Variants in ACVR2B observed in about 807,000 individuals in gnomAD.
The protein encoded by ACVR2B is activin receptor type-2B.
In ACVR2B, 18 loss-of-function variants were observed where a neutral mutation model predicts 65.1. The ratio of observed to expected loss-of-function variants is 0.28; its 90% confidence interval spans 0.19 to 0.41. The LOEUF is 0.41. Among genes scored for constraint, ACVR2B ranks in the 10% least tolerant of loss-of-function variants. ACVR2B has a pLI of 1.00. For missense variants in ACVR2B, 482 were observed against 682.7 expected (o/e 0.71, Z 3.28); for synonymous variants, 298 against 277.7 (o/e 1.07, Z -0.73).
At chr3:38,464,527 C>T (rs1372336543) in intron 1 of ACVR2B, among the ~76,000 whole-genome samples, 2 of 152,144 alleles carry the variant, frequency 1.3e-5, no homozygotes, top group African/African-American at 2.4e-5. Context: ...GAAGAACTAC[C>T]AGGCCAGTAT....
intron 1 of ACVR2B, among the ~76,000 whole-genome samples, chr3:38,472,736 C>T (rs1304005311): frequency 6.6e-6 from 1 of 152,108 alleles, no homozygotes; most frequent in Non-Finnish European, 1.5e-5. Context: ...AGCTCAGGGA[C>T]TCCAGGGGAG....
At chr3:38,480,032 CTA>C (rs1325026259) in intron 7 of ACVR2B, among the ~76,000 whole-genome samples, 3 of 152,170 alleles carry the variant, frequency 2.0e-5, no homozygotes, top group Admixed American at 6.5e-5. Flanking sequence ...TTGGTGCCCT[CTA>C]ATGGCCACAT....
rs886058429 is a variant in ACVR2B, at chr3:38,492,482, C to T, written c.*9150C>T. On this transcript the variant is annotated 3_prime_UTR_variant, in exon 11 of 11. Coordinates refer to ENST00000352511, the MANE Select transcript of ACVR2B (RefSeq NM_001106.4). The stretch of plus-strand genomic sequence containing the variant: ...TTTCAAGTGCTAAAACTAAAGACTT[C>T]TAGTTTTTGGCTCAAATAAGTACTG... 6 of 152,322 alleles carry T rather than the reference C, an allele frequency of 3.9e-5. No homozygotes were observed. The highest frequency in any genetic ancestry group is 2.1e-4 in the South Asian group (1 of 4,824). The allele number at this position is 152,322 out of a possible 1,614,324, so 9.4% of individuals were successfully genotyped here. A position where few individuals can be genotyped will look rare whatever the true frequency, so the allele number is the denominator to read the frequency against.
At chr3:38,468,633 A>G (rs1313042818) in intron 1 of ACVR2B, among the ~76,000 whole-genome samples, 1 of 152,144 alleles carries the variant, frequency 6.6e-6, no homozygotes, top group Non-Finnish European at 1.5e-5. Context: ...CCATTCTTTC[A>G]AAGACATCTG....
rs536169007 is a variant in ACVR2B, at chr3:38,457,739, T to C, written c.52+3365T>C. 9.3e-4 allele frequency among the ~76,000 whole-genome samples: 142 copies of C among 152,290 alleles called. 1 individual carries two copies. The highest frequency in any genetic ancestry group is 3.4e-3 in the African/African-American group (140 of 41,564). On this transcript the variant is annotated intron_variant, in intron 1 of 10. Transcript: ENST00000352511. Reference sequence around the variant, plus strand: ...AGGGACCTGCCTCCTGTCTATCCCATCAGGAAGTGCAGGCCCTGATTACTC... The same window carrying C: ...AGGGACCTGCCTCCTGTCTATCCCACCAGGAAGTGCAGGCCCTGATTACTC...
In ACVR2B at chr3:38,489,387, A is replaced by G. The variant is rs945132289; in HGVS notation, c.*6055A>G. The G allele has an allele frequency of 6.6e-6, 1 of 152,630 alleles. No individual in the cohort carries two copies. The highest frequency in any genetic ancestry group is 1.5e-5 in the Non-Finnish European group (1 of 68,034). 9.5% of individuals were successfully genotyped at this position (152,630 alleles called of 1,614,324 possible). On this transcript the variant is annotated 3_prime_UTR_variant, in exon 11 of 11. Coordinates refer to ENST00000352511, the MANE Select transcript of ACVR2B (RefSeq NM_001106.4). ...TTTGTAATCAGAGCTAATGAGCTTT[A>G]CCTTTCAAGAGAAACGTACACTGGA...
chr3:38,462,628 T>A (rs540139478), intron 1 of ACVR2B, among the ~76,000 whole-genome samples: 14 of 152,374 alleles, frequency 9.2e-5, no homozygotes, highest in Admixed American at 9.1e-4. Flanking sequence ...CTCGGAGATT[T>A]GCTTTGGCAA....
At position 38,462,126 on chromosome 3, in the gene ACVR2B, G is replaced by A. The variant is rs1370199053; in HGVS notation, c.52+7752G>A. On this transcript the variant is annotated intron_variant, in intron 1 of 10. Coordinates refer to ENST00000352511, the MANE Select transcript of ACVR2B (RefSeq NM_001106.4). ...GGAGAATGGCGTGAACCCGGGAGGC[G>A]GAGCTTGCAGTGAGCCAAGATAGCA... is the stretch of plus-strand genomic sequence containing the variant. Among the ~76,000 whole-genome samples the A allele has an allele frequency of 2.6e-5, 4 of 151,990 alleles. No homozygotes were observed. In the South Asian group the frequency reaches 6.2e-4, roughly 24 times the overall value.
chr3:38,482,216 A>G lies in ACVR2B; in HGVS notation c.1093A>G (p.Met365Val). The G allele has an allele frequency of 6.2e-7, 1 of 1,613,700 alleles. No individual in the cohort carries two copies. Among genetic ancestry groups the G allele is most frequent in the Non-Finnish European group, 8.5e-7 (1 of 1,179,968 alleles). Residue 365 changes from methionine to valine, a missense_variant, in exon 9 of 11, where the codon ATG becomes GTG. Coordinates refer to ENST00000352511, the MANE Select transcript of ACVR2B (RefSeq NM_001106.4). ...CACATAGGTAGGCACGAGACGGTACATGGCTCCTGAGGTGCTCGAGGGAGC... is the reference window on the plus strand; with the variant it reads ...CACATAGGTAGGCACGAGACGGTACGTGGCTCCTGAGGTGCTCGAGGGAGC... ...THGQVGTRRY[M>V]APEVLEGAIN...
At chr3:38,479,964 C>A in intron 7 of ACVR2B, 138 bp downstream of exon 7, 2 of 1,231,506 alleles carry the variant, frequency 1.6e-6, no homozygotes, top group Non-Finnish European at 2.3e-6. Flanking sequence ...GGCAGCTGGG[C>A]ACAAAACCTG....
intron 1 of ACVR2B, among the ~76,000 whole-genome samples, chr3:38,463,367 G>C (rs924527457): frequency 5.9e-5 from 9 of 152,218 alleles, no homozygotes; most frequent in African/African-American, 2.2e-4. Flanking sequence ...CATATGTCGT[G>C]ATAATGACGT....
intron 1 of ACVR2B, among the ~76,000 whole-genome samples, chr3:38,465,955 C>T (rs565962343): frequency 3.9e-4 from 59 of 152,292 alleles, no homozygotes; most frequent in African/African-American, 1.3e-3. Flanking sequence ...GTTATACTGA[C>T]AGCTAACTTC....
rs1295241035 is a variant in ACVR2B, at chr3:38,477,500, C to T, written c.260+6C>T. On this transcript the variant is annotated splice_donor_region_variant and intron_variant, in intron 2 of 10. Transcript: ENST00000352511. This position sits in a 1 kb window ranked among gnomAD's most constrained non-coding sequence, Gnocchi z 6.7. Reference sequence around the variant, plus strand: ...GACTTCAACTGCTACGATAGGTACCCCAAGACTTGCCCTCCTTTCCTCTTG... The same window carrying T: ...GACTTCAACTGCTACGATAGGTACCTCAAGACTTGCCCTCCTTTCCTCTTG... 2.5e-6 allele frequency: 4 copies of T among 1,613,092 alleles called. No individual in the cohort carries two copies. Among genetic ancestry groups the T allele is most frequent in the African/African-American group, 2.7e-5 (2 of 74,848 alleles).
intron 1 of ACVR2B, among the ~76,000 whole-genome samples, chr3:38,463,037 G>T (rs868638916): frequency 1.3e-5 from 2 of 152,076 alleles, no homozygotes; most frequent in South Asian, 2.1e-4. Flanking sequence ...AAGGGTGCGC[G>T]GACATGGGAA....
At chr3:38,462,423 C>T (rs1189464693) in intron 1 of ACVR2B, among the ~76,000 whole-genome samples, 1 of 152,154 alleles carries the variant, frequency 6.6e-6, no homozygotes, top group African/African-American at 2.4e-5. Context: ...CCAGCAAGCC[C>T]TGTTTTGTTC....
rs904868392 is a variant in ACVR2B, at chr3:38,488,942, G to T, written c.*5610G>T. The T allele has an allele frequency of 2.6e-5, 4 of 152,218 alleles. No individual in the cohort carries two copies. Among genetic ancestry groups the T allele is most frequent in the Non-Finnish European group, 5.9e-5 (4 of 68,050 alleles). 9.4% of individuals were successfully genotyped at this position (152,218 alleles called of 1,614,324 possible). ...TGTACACACCACTCTTTGTGTGTAT[G>T]GAAGGGGTTATATAAACCTGGGCTA... is the stretch of plus-strand genomic sequence containing the variant. On this transcript the variant is annotated 3_prime_UTR_variant, in exon 11 of 11. Coordinates refer to ENST00000352511, the MANE Select transcript of ACVR2B (RefSeq NM_001106.4).
rs1221074527 is a variant in ACVR2B, at chr3:38,463,214, T to G, written c.52+8840T>G. 2.6e-5 allele frequency among the ~76,000 whole-genome samples: 4 copies of G among 152,178 alleles called. No homozygotes were observed. In the East Asian group the frequency reaches 7.7e-4, roughly 29 times the overall value. ...GGTTTGGGATGGAAGTGCATATGTA[T>G]GTTCACTTACCAGGCTCTATGCTGC... On this transcript the variant is annotated intron_variant, in intron 1 of 10. Transcript: ENST00000352511.
At chr3:38,473,247 C>T (rs1047826573) in intron 1 of ACVR2B, among the ~76,000 whole-genome samples, 4 of 152,168 alleles carry the variant, frequency 2.6e-5, no homozygotes, top group African/African-American at 7.2e-5. Flanking sequence ...GCAGCAAGCC[C>T]CTTGTCCTGG....
In ACVR2B at chr3:38,478,650, T is replaced by A. The variant is rs2125723416; in HGVS notation, c.666+132T>A. On this transcript the variant is annotated intron_variant, in intron 5 of 10. Transcript: ENST00000352511. ...AGAGAAAAGTGAGCCTTACTGGGCCTAGTTACTCATGTTACACTTGGCTGG... is the reference window on the plus strand; with the variant it reads ...AGAGAAAAGTGAGCCTTACTGGGCCAAGTTACTCATGTTACACTTGGCTGG... 10 of 1,258,470 alleles carry A rather than the reference T, an allele frequency of 7.9e-6. No homozygotes were observed. In the South Asian group the frequency reaches 1.3e-4, roughly 16 times the overall value. The allele number at this position is 1,258,470 out of a possible 1,614,324, so 78.0% of individuals were successfully genotyped here.
Sources: gnomAD v4.1 joint callset for allele counts (sites outside exome capture counted in the v4.1 genomes callset) on GRCh38, gnomAD v4.1.1 for gene constraint, Gnocchi (gnomAD v3.1) non-coding constraint, MANE v1.5 for transcripts, NCBI Gene and HGNC (gene_info 2026-07-23, HGNC 2026-07-21) for gene names.